The following SORCS3 variants were observed in gnomAD, a reference collection of about 807,000 sequenced individuals.
SORCS3 encodes the protein sortilin related VPS10 domain containing receptor 3, also known as VPS10 domain-containing receptor SorCS3.
SORCS3 carries 57 observed loss-of-function variants against 146.3 expected under a neutral mutation model. The ratio of observed to expected loss-of-function variants is 0.39; its 90% CI spans 0.31 to 0.49. SORCS3 has a LOEUF of 0.49. SORCS3 is among the 20% of genes least tolerant of loss of function. The pLI is 0.92. For missense variants in SORCS3, 1,341 were observed against 1,575.5 expected (o/e 0.85, Z 2.52); for synonymous variants, 653 against 618.5 (o/e 1.06, Z -0.83).
intron 1 of SORCS3, among the ~76,000 whole-genome samples, chr10:104,646,059 C>T (rs2015491702): frequency 1.3e-5 from 2 of 152,202 alleles, no homozygotes; most frequent in South Asian, 4.1e-4. Flanking sequence ...GAAACCATCT[C>T]AGTTGAGATG....
intron 4 of SORCS3, among the ~76,000 whole-genome samples, chr10:105,016,157 T>TATA (rs369013613): frequency 2.9e-4 from 17 of 57,936 alleles, no homozygotes; most frequent in South Asian, 1.6e-3. Context: ...ATATATATAT[T>TATA]TTTTTTTTTT....
At chr10:104,994,553 ATCCGTCACCTTCAAAAGT>A (rs895279673) in intron 4 of SORCS3, among the ~76,000 whole-genome samples, 1 of 152,212 alleles carries the variant, frequency 6.6e-6, no homozygotes, top group African/African-American at 2.4e-5. Context: ...ATCTGAGCAA[ATCCGTCACCTTCAAAAGT>A]TTCCTTGTGC....
At chr10:105,009,523 CAAACAAAAA>C (rs374542907) in intron 4 of SORCS3, among the ~76,000 whole-genome samples, 6,460 of 48,938 alleles carry the variant, frequency 0.13, 180 homozygotes, top group Middle Eastern at 0.21. Flanking sequence ...AACAAACAAA[CAAACAAAAA>C]AAAAAAAAAA....
rs1176572888 is a variant in SORCS3, at chr10:105,167,297, G to T, written c.1849G>T (p.Gly617Cys). The change falls in exon 13 of 27, where the codon GGT (glycine) becomes TGT (cysteine). Residue 617 changes from glycine to cysteine, a missense_variant. By Grantham distance (159) the Gly-to-Cys change is radical. Coordinates refer to ENST00000369701, the MANE Select transcript of SORCS3 (RefSeq NM_014978.3). Reference protein sequence around the residue: ...EEYNVWFLDWGGALVAMKHTP... With the variant: ...EEYNVWFLDWCGALVAMKHTP... ...GTACAATGTCTGGTTCCTAGACTGG[G>T]GTGGTGCCCTCGTGGCCATGAAACA... is the stretch of plus-strand genomic sequence containing the variant. 2.5e-6 allele frequency: 4 copies of T among 1,613,294 alleles called. No homozygotes were observed. Among genetic ancestry groups the T allele is most frequent in the Non-Finnish European group, 3.4e-6 (4 of 1,179,550 alleles).
chr10:104,707,929 A>G (rs1589466548), intron 1 of SORCS3, among the ~76,000 whole-genome samples: 1 of 152,184 alleles, frequency 6.6e-6, no homozygotes, highest in African/African-American at 2.4e-5. Context: ...ATTGAAGAGA[A>G]GGTTGGACTT....
At position 104,816,154 on chromosome 10, in the gene SORCS3, A is replaced by T. The variant is rs117854086; in HGVS notation, c.628-26638A>T. Reference sequence around the variant, plus strand: ...GCATAAATAGCTTTGTCATTCTGCCAGAATGCTCCCTGGCAGGTCTGGGCC... The same window carrying T: ...GCATAAATAGCTTTGTCATTCTGCCTGAATGCTCCCTGGCAGGTCTGGGCC... On this transcript the variant is annotated intron_variant, in intron 1 of 26. Coordinates refer to ENST00000369701, the MANE Select transcript of SORCS3 (RefSeq NM_014978.3). Among the ~76,000 whole-genome samples, 172 of 152,366 alleles carry T rather than the reference A, an allele frequency of 1.1e-3. 1 individual carries two copies. In the East Asian group the frequency reaches 0.03, roughly 27 times the overall value.
At chr10:104,805,981 G>C (rs1003337524) in intron 1 of SORCS3, among the ~76,000 whole-genome samples, 6 of 152,032 alleles carry the variant, frequency 3.9e-5, no homozygotes, top group African/African-American at 1.5e-4. Flanking sequence ...AGATCATCCT[G>C]GTCTGCATTA....
At chr10:105,091,852 G>C (rs1275526537) in intron 6 of SORCS3, among the ~76,000 whole-genome samples, 3 of 152,200 alleles carry the variant, frequency 2.0e-5, no homozygotes, top group African/African-American at 4.8e-5. Context: ...CAAATAGCCA[G>C]TCTCAGAAAA....
In SORCS3 at chr10:105,121,492, T is replaced by C. The variant is rs188942517; in HGVS notation, c.1212+15977T>C. Among the ~76,000 whole-genome samples the C allele has an allele frequency of 3.7e-4, 56 of 152,278 alleles. 1 individual carries two copies. The East Asian group carries it at 9.9e-3, about 27-fold the overall frequency. On this transcript the variant is annotated intron_variant, in intron 7 of 26. Transcript: ENST00000369701. ...AAAGGATGACACAAGAGGACAATGA[T>C]TGATTTCTCATTTCGTTTTTCTCTG... is the stretch of plus-strand genomic sequence containing the variant.
At chr10:105,240,453 C>A (rs2119712742) in intron 20 of SORCS3, among the ~76,000 whole-genome samples, 1 of 152,280 alleles carries the variant, frequency 6.6e-6, no homozygotes, top group Middle Eastern at 3.4e-3. Flanking sequence ...CAGTGAACAT[C>A]AACATACACA....
At chr10:105,205,066 T>C (rs1323991581) in intron 16 of SORCS3, among the ~76,000 whole-genome samples, 1 of 152,140 alleles carries the variant, frequency 6.6e-6, no homozygotes, top group Admixed American at 6.6e-5. Flanking sequence ...TCATGCACAG[T>C]CCATTTAGAT....
chr10:105,024,670 C>T lies in SORCS3; in HGVS notation c.955-18385C>T, dbSNP rs185584025. Among the ~76,000 whole-genome samples, 218 of 152,290 alleles carry T rather than the reference C, an allele frequency of 1.4e-3. 1 individual carries two copies. Among genetic ancestry groups the T allele is most frequent in the Middle Eastern group, 6.8e-3 (2 of 294 alleles). ...CCAATCCCCATTCCCCACTCATTAC[C>T]CTGCAAATAGTCACTGGATTGGAGT... is the stretch of plus-strand genomic sequence containing the variant. On this transcript the variant is annotated intron_variant, in intron 4 of 26. Transcript: ENST00000369701.
chr10:104,855,300 G>A (rs2018317768), intron 2 of SORCS3, among the ~76,000 whole-genome samples: 1 of 152,084 alleles, frequency 6.6e-6, no homozygotes, highest in African/African-American at 2.4e-5. Context: ...GCTGTTCTAG[G>A]GCCTGTGCTT....
chr10:104,718,168 GAATA>G (rs1038060046), intron 1 of SORCS3, among the ~76,000 whole-genome samples: 9 of 150,496 alleles, frequency 6.0e-5, no homozygotes, highest in African/African-American at 2.0e-4. Context: ...ATAAATAAAT[GAATA>G]AATAAATAAA....
In SORCS3 at chr10:105,005,483, A is replaced by G. The variant is rs182311354; in HGVS notation, c.954+27990A>G. Among the ~76,000 whole-genome samples, 506 of 152,290 alleles carry G rather than the reference A, an allele frequency of 3.3e-3. 2 individuals are homozygous for G. Among genetic ancestry groups the G allele is most frequent in the African/African-American group, 0.011 (469 of 41,578 alleles). ...AATCCTCTCTGAGGAAGAAATACAAAGGCTGAGACTTGGAGGATGAGTAGT... is the reference window on the plus strand; with the variant it reads ...AATCCTCTCTGAGGAAGAAATACAAGGGCTGAGACTTGGAGGATGAGTAGT... On this transcript the variant is annotated intron_variant, in intron 4 of 26. Transcript: ENST00000369701.
chr10:104,896,480 A>G (rs1389867322), intron 2 of SORCS3, among the ~76,000 whole-genome samples: 1 of 152,204 alleles, frequency 6.6e-6, no homozygotes, highest in African/African-American at 2.4e-5. Flanking sequence ...GCATAATTTA[A>G]AGTGTGAGTG....
intron 2 of SORCS3, among the ~76,000 whole-genome samples, chr10:104,880,192 G>T (rs2018617239): frequency 6.6e-6 from 1 of 152,072 alleles, no homozygotes; most frequent in South Asian, 2.1e-4. Context: ...TGGCATAAAT[G>T]AACCAATGAC....
intron 1 of SORCS3, among the ~76,000 whole-genome samples, chr10:104,835,878 C>A (rs952282353): frequency 2.0e-5 from 3 of 152,192 alleles, no homozygotes; most frequent in African/African-American, 7.2e-5. Flanking sequence ...AAGCTGGCAT[C>A]CCTTATTTGA....
Position 104,641,404 on chromosome 10 carries a change from C to G in SORCS3, c.77C>G (p.Ser26Trp). The G allele has an allele frequency of 6.8e-7, 1 of 1,461,434 alleles. No individual in the cohort carries two copies. Among genetic ancestry groups the G allele is most frequent in the Admixed American group, 2.5e-5 (1 of 40,072 alleles). The allele number at this position is 1,461,434 out of a possible 1,614,324, so 90.5% of individuals were successfully genotyped here. Residue 26 changes from serine to tryptophan, a missense_variant, in exon 1 of 27, where the codon TCG becomes TGG. Coordinates refer to ENST00000369701, the MANE Select transcript of SORCS3 (RefSeq NM_014978.3). This position sits in a 1 kb window ranked among gnomAD's most constrained non-coding sequence, Gnocchi z 6.4. The part of the protein sequence containing the change: ...PLVRTGLLLL[S>W]TWVLAGAEIT... ...GTCCGGACGGGGCTCCTACTCTTGT[C>G]GACGTGGGTCCTGGCCGGCGCCGAG...
Sources: gnomAD v4.1 joint callset for allele counts (sites outside exome capture counted in the v4.1 genomes callset) on GRCh38, gnomAD v4.1.1 for gene constraint, Gnocchi (gnomAD v3.1) non-coding constraint, MANE v1.5 for transcripts, NCBI Gene and HGNC (gene_info 2026-07-23, HGNC 2026-07-21) for gene names.